IQGAP2: variants seen among roughly 807,000 people sequenced by gnomAD.
IQGAP2 encodes IQ motif containing GTPase activating protein 2, also known as ras GTPase-activating-like protein IQGAP2.
In IQGAP2, 173 loss-of-function variants were observed where a neutral mutation model predicts 201.3. That is an observed-to-expected ratio of 0.86 (90% CI 0.76 to 0.98). The LOEUF (loss-of-function observed/expected upper bound fraction) is 0.98. IQGAP2 is among the 50% of genes least tolerant of loss of function. The pLI is 0.00. For missense variants in IQGAP2, 1,687 were observed against 1,864.8 expected (o/e 0.90, Z 1.76); for synonymous variants, 675 against 673.9 (o/e 1.00, Z -0.03).
At chr5:76,447,670 C>T (rs1305831770) in intron 1 of IQGAP2, among the ~76,000 whole-genome samples, 2 of 152,138 alleles carry the variant, frequency 1.3e-5, no homozygotes, top group Non-Finnish European at 2.9e-5. Flanking sequence ...GTTGGTTAAA[C>T]ATGAAGTTGC....
At chr5:76,406,781 C>G (rs1173061786) in intron 1 of IQGAP2, among the ~76,000 whole-genome samples, 1 of 152,192 alleles carries the variant, frequency 6.6e-6, no homozygotes, top group Non-Finnish European at 1.5e-5. Context: ...TAAGTGACTA[C>G]AGTGGGTCTC....
At chr5:76,662,017 GA>G (rs778673823) in intron 21 of IQGAP2, among the ~76,000 whole-genome samples, 2 of 152,180 alleles carry the variant, frequency 1.3e-5, no homozygotes, top group Non-Finnish European at 2.9e-5. Flanking sequence ...TATTTATTAA[GA>G]ATCAGGAAAA....
chr5:76,570,261 G>A (rs936625831), intron 3 of IQGAP2, among the ~76,000 whole-genome samples: 17 of 152,106 alleles, frequency 1.1e-4, no homozygotes, highest in East Asian at 1.9e-4. Context: ...GTGTATGTGC[G>A]TACACACCCA....
At chr5:76,640,877 A>T in intron 16 of IQGAP2, 56 bp from the exon 17 acceptor site, 3 of 1,227,232 alleles carry the variant, frequency 2.4e-6, no homozygotes, top group East Asian at 2.4e-5. Flanking sequence ...AAGCTATTCT[A>T]TGTGTGCCTT....
chr5:76,549,780 A>G (rs974923381), intron 2 of IQGAP2, among the ~76,000 whole-genome samples: 1 of 152,000 alleles, frequency 6.6e-6, no homozygotes, highest in Non-Finnish European at 1.5e-5. Context: ...CTTTTCTTAT[A>G]AGGACAGTAG....
intron 21 of IQGAP2, among the ~76,000 whole-genome samples, chr5:76,662,605 G>A (rs1051569533): frequency 3.9e-5 from 6 of 152,180 alleles, no homozygotes; most frequent in African/African-American, 1.2e-4. Context: ...GGAGTTGAAC[G>A]ATTTACATAC....
intron 1 of IQGAP2, among the ~76,000 whole-genome samples, chr5:76,422,919 C>T (rs536852572): frequency 6.6e-6 from 1 of 152,304 alleles, no homozygotes; most frequent in South Asian, 2.1e-4. Flanking sequence ...ATGTTATCCC[C>T]ATTTTATAGG....
intron 2 of IQGAP2, among the ~76,000 whole-genome samples, chr5:76,491,069 A>G (rs1756508979): frequency 6.6e-6 from 1 of 151,864 alleles, no homozygotes; most frequent in Admixed American, 6.6e-5. Context: ...CATAGTAATA[A>G]ATGTGTCATA....
chr5:76,587,505 G>A (rs962840408), intron 5 of IQGAP2, among the ~76,000 whole-genome samples: 1 of 152,100 alleles, frequency 6.6e-6, no homozygotes, highest in African/African-American at 2.4e-5. Context: ...TATAAAATAG[G>A]TATGTCCAGA....
At chr5:76,404,195 C>T (rs1420127344) in intron 1 of IQGAP2, among the ~76,000 whole-genome samples, 2 of 152,182 alleles carry the variant, frequency 1.3e-5, no homozygotes, top group African/African-American at 4.8e-5. Context: ...CCCCGCTCCC[C>T]TCGCGCGGGA....
intron 21 of IQGAP2, among the ~76,000 whole-genome samples, chr5:76,659,754 G>C (rs1456726867): frequency 1.3e-5 from 2 of 151,970 alleles, no homozygotes; most frequent in Non-Finnish European, 2.9e-5. Context: ...CCCAATCCCT[G>C]CTCACTAGAA....
intron 1 of IQGAP2, among the ~76,000 whole-genome samples, chr5:76,456,637 G>T (rs1333578465): frequency 1.3e-5 from 2 of 152,192 alleles, no homozygotes; most frequent in African/African-American, 4.8e-5. Flanking sequence ...GTGAGAGGGG[G>T]CAGATATCCT....
chr5:76,530,909 T>C (rs1759252867), intron 2 of IQGAP2, among the ~76,000 whole-genome samples: 1 of 152,188 alleles, frequency 6.6e-6, no homozygotes. Flanking sequence ...AGCTGAAAAA[T>C]GGCAGTCAGA....
intron 12 of IQGAP2, among the ~76,000 whole-genome samples, chr5:76,610,062 CTCTCTCTCTCTCTCTATATATATATA>C (rs1368363614): frequency 5.0e-4 from 2 of 4,040 alleles, no homozygotes; most frequent in African/African-American, 1.4e-3. Context: ...CTCTCTCTCT[CTCTCTCTCTCTCTCTATATATATATA>C]TATATATATA....
chr5:76,508,983 T>G (rs1474838980), intron 2 of IQGAP2, among the ~76,000 whole-genome samples: 2 of 152,060 alleles, frequency 1.3e-5, no homozygotes, highest in Non-Finnish European at 2.9e-5. Flanking sequence ...CTGATGACAG[T>G]GTGCTCTGGG....
chr5:76,704,742 C>A (rs1476359846), intron 35 of IQGAP2, among the ~76,000 whole-genome samples: 1 of 152,202 alleles, frequency 6.6e-6, no homozygotes, highest in East Asian at 1.9e-4. Context: ...GCCAGCCCTG[C>A]ATTTGATAGC....
chr5:76,542,009 C>T (rs13355881), intron 2 of IQGAP2, among the ~76,000 whole-genome samples: 82,450 of 152,060 alleles, frequency 0.54, 23,180 homozygotes, highest in South Asian at 0.74. Flanking sequence ...TTTGAGACAG[C>T]GACTTGTTCT....
chr5:76,503,018 T>C (rs1757365691), intron 2 of IQGAP2, among the ~76,000 whole-genome samples: 1 of 152,068 alleles, frequency 6.6e-6, no homozygotes, highest in Non-Finnish European at 1.5e-5. Flanking sequence ...AGTGCTGTGA[T>C]TACAGGCATG....
At chr5:76,460,061 C>A (rs1337416563) in intron 1 of IQGAP2, among the ~76,000 whole-genome samples, 2 of 152,160 alleles carry the variant, frequency 1.3e-5, no homozygotes, top group Non-Finnish European at 2.9e-5. Flanking sequence ...GGAGCCCTGA[C>A]AAATTGGCAG....
Sources: allele counts gnomAD v4.1 joint callset (sites outside exome capture counted in the v4.1 genomes callset), GRCh38; gene constraint gnomAD v4.1.1; transcripts MANE v1.5; gene names NCBI Gene and HGNC (gene_info 2026-07-23, HGNC 2026-07-21).